FNDC3B: variants seen among roughly 807,000 people sequenced by gnomAD.
FNDC3B encodes the protein fibronectin type III domain containing 3B, also known as fibronectin type III domain-containing protein 3B.
FNDC3B carries 12 observed loss-of-function variants against 151.5 expected under a neutral mutation model. The observed-to-expected ratio is 0.08, with a 90% confidence interval of 0.05 to 0.13. The LOEUF (loss-of-function observed/expected upper bound fraction) is 0.13. Ranked by LOEUF, FNDC3B falls within the 10% of genes least tolerant of loss-of-function variation. The pLI, the probability that FNDC3B is intolerant of heterozygous loss-of-function variation, is 1.00. For synonymous variants in FNDC3B, 528 were observed against 549.0 expected (o/e 0.96, Z 0.54); for missense variants, 1,214 against 1,505.3 (o/e 0.81, Z 3.20).
At chr3:172,097,717 A>G (rs534060985) in intron 1 of FNDC3B, among the ~76,000 whole-genome samples, 1 of 152,338 alleles carries the variant, frequency 6.6e-6, no homozygotes, top group South Asian at 2.1e-4. Flanking sequence ...TGTAAATTGC[A>G]CTAAGCATTC....
At chr3:172,143,463 A>G (rs1721729812) in intron 3 of FNDC3B, among the ~76,000 whole-genome samples, 1 of 149,666 alleles carries the variant, frequency 6.7e-6, no homozygotes, top group South Asian at 2.1e-4. Flanking sequence ...TTTTTCCCAA[A>G]CTTTGTATTT....
At chr3:172,385,811 G>A (rs1735683881) in intron 25 of FNDC3B, among the ~76,000 whole-genome samples, 1 of 152,130 alleles carries the variant, frequency 6.6e-6, no homozygotes, top group African/African-American at 2.4e-5. Context: ...ACCCACCTCA[G>A]CCTCCCAAAG....
intron 1 of FNDC3B, among the ~76,000 whole-genome samples, chr3:172,048,601 A>G (rs1391411420): frequency 6.6e-6 from 1 of 152,228 alleles, no homozygotes; most frequent in Non-Finnish European, 1.5e-5. Context: ...TTCCATTCCT[A>G]TTCCTATACG....
intron 6 of FNDC3B, among the ~76,000 whole-genome samples, chr3:172,276,736 C>T (rs57566219): frequency 0.036 from 5,494 of 152,230 alleles, 341 homozygotes; most frequent in African/African-American, 0.13. Flanking sequence ...AATTCTTAGC[C>T]TGTATCTAAT....
intron 2 of FNDC3B, among the ~76,000 whole-genome samples, chr3:172,128,208 T>TCAGC (rs1266546448): frequency 6.6e-6 from 1 of 152,170 alleles, no homozygotes; most frequent in Non-Finnish European, 1.5e-5. Context: ...TATTTTTCAA[T>TCAGC]CAGCTTTGGA....
intron 1 of FNDC3B, among the ~76,000 whole-genome samples, chr3:172,074,800 C>T (rs1203254339): frequency 1.3e-5 from 2 of 152,190 alleles, no homozygotes; most frequent in Non-Finnish European, 2.9e-5. Flanking sequence ...TGGGGACCCA[C>T]AGTTAGCTTA....
intron 3 of FNDC3B, among the ~76,000 whole-genome samples, chr3:172,197,293 C>G (rs115754353): frequency 1.6e-3 from 238 of 152,322 alleles, no homozygotes; most frequent in Non-Finnish European, 2.9e-3. Flanking sequence ...CTTGACAGCA[C>G]TTGTTAGCTA....
At chr3:172,162,297 G>C (rs1206410014) in intron 3 of FNDC3B, among the ~76,000 whole-genome samples, 1 of 152,068 alleles carries the variant, frequency 6.6e-6, no homozygotes, top group African/African-American at 2.4e-5. Context: ...TAATTTTTAA[G>C]GGTACTTGTA....
At chr3:172,117,618 T>C (rs978145288) in intron 2 of FNDC3B, among the ~76,000 whole-genome samples, 1 of 152,236 alleles carries the variant, frequency 6.6e-6, no homozygotes, top group Admixed American at 6.5e-5. Flanking sequence ...GTGATACTTA[T>C]AAGGGTATCT....
rs577882307 is a variant in FNDC3B, at chr3:172,057,927, A to G, written c.-29+18156A>G. On this transcript the variant is annotated intron_variant, in intron 1 of 25. Coordinates refer to ENST00000415807, the MANE Select transcript of FNDC3B (RefSeq NM_022763.4). Reference sequence around the variant, plus strand: ...GCAGGGAGGAAAAAAAAAAAAGCATACAGTGCTACATAGAGGTTGATTCTT... The same window carrying G: ...GCAGGGAGGAAAAAAAAAAAAGCATGCAGTGCTACATAGAGGTTGATTCTT... Among the ~76,000 whole-genome samples, 5 of 152,038 alleles carry G rather than the reference A, an allele frequency of 3.3e-5. No homozygotes were observed. In the East Asian group the frequency reaches 9.7e-4, roughly 29 times the overall value.
chr3:172,281,146 A>G (rs1383464780), intron 6 of FNDC3B, among the ~76,000 whole-genome samples: 7 of 151,774 alleles, frequency 4.6e-5, no homozygotes, highest in Admixed American at 6.6e-5. Flanking sequence ...AAATGTGCCT[A>G]TATCTGCAAA....
chr3:172,174,142 T>C (rs1024413000), intron 3 of FNDC3B, among the ~76,000 whole-genome samples: 2 of 152,172 alleles, frequency 1.3e-5, no homozygotes, highest in Admixed American at 1.3e-4. Context: ...AGAATGACTC[T>C]CATTCTCTTT....
At chr3:172,375,956 A>G (rs973857520) in intron 23 of FNDC3B, among the ~76,000 whole-genome samples, 2 of 152,192 alleles carry the variant, frequency 1.3e-5, no homozygotes, top group South Asian at 2.1e-4. Context: ...CTCTGCAGTC[A>G]TGTCTCCTCC....
intron 1 of FNDC3B, among the ~76,000 whole-genome samples, chr3:172,060,374 A>G (rs1324060506): frequency 2.6e-5 from 4 of 152,076 alleles, no homozygotes; most frequent in Non-Finnish European, 5.9e-5. Context: ...AGACACATTT[A>G]TGAGTTGGCC....
At chr3:172,207,404 C>CA (rs2108703003) in intron 3 of FNDC3B, among the ~76,000 whole-genome samples, 1 of 152,260 alleles carries the variant, frequency 6.6e-6, no homozygotes, top group East Asian at 1.9e-4. Flanking sequence ...GTGACCAAAG[C>CA]ACCCTGTGGA....
At chr3:172,152,139 C>G (rs1722256652) in intron 3 of FNDC3B, among the ~76,000 whole-genome samples, 1 of 152,146 alleles carries the variant, frequency 6.6e-6, no homozygotes, top group Admixed American at 6.5e-5. Context: ...CTCTAAGTAC[C>G]TATATAACAT....
chr3:172,264,386 A>G (rs550990221), intron 6 of FNDC3B, among the ~76,000 whole-genome samples: 1 of 152,298 alleles, frequency 6.6e-6, no homozygotes, highest in Admixed American at 6.5e-5. Flanking sequence ...TAATCATCTA[A>G]ATCTTAGCCT....
rs977266148 is a variant in FNDC3B, at chr3:172,140,042, C to T, written c.187+6496C>T. ...TGTTATTGTGAACACTTAGGCCTCA[C>T]TTGGAAAATCTTCTAGAATTGAAAA... On this transcript the variant is annotated intron_variant, in intron 3 of 25. Coordinates refer to ENST00000415807, the MANE Select transcript of FNDC3B (RefSeq NM_022763.4). Among the ~76,000 whole-genome samples, 4 of 152,194 alleles carry T rather than the reference C, an allele frequency of 2.6e-5. No individual in the cohort carries two copies. In the South Asian group the frequency reaches 8.3e-4, roughly 31 times the overall value.
chr3:172,160,933 A>G (rs766652860), intron 3 of FNDC3B, among the ~76,000 whole-genome samples: 2 of 152,244 alleles, frequency 1.3e-5, no homozygotes, highest in African/African-American at 2.4e-5. Flanking sequence ...TGCATAGTAT[A>G]TATCAAGATA....
Sources: gnomAD v4.1 joint callset for allele counts (sites outside exome capture counted in the v4.1 genomes callset) on GRCh38, gnomAD v4.1.1 for gene constraint, MANE v1.5 for transcripts, NCBI Gene and HGNC (gene_info 2026-07-23, HGNC 2026-07-21) for gene names.